Variants in CROT observed in about 807,000 individuals in gnomAD.
CROT encodes carnitine O-octanoyltransferase.
In CROT, 84 loss-of-function variants were observed where a neutral mutation model predicts 89.2. The ratio of observed to expected loss-of-function variants is 0.94; its 90% CI spans 0.79 to 1.13. The LOEUF (loss-of-function observed/expected upper bound fraction) is 1.13. CROT is among the 50% of genes most tolerant of loss of function. CROT has a pLI of 0.00. For synonymous variants in CROT, 212 were observed against 239.5 expected (o/e 0.89, Z 1.06); for missense variants, 711 against 727.8 (o/e 0.98, Z 0.27).
rs754430658 is a variant in CROT, at chr7:87,394,689, C to CA, written c.1718+1630dup. Reference sequence around the variant, plus strand: ...TTGGTGGGTGCTATATTTTTTATAGCAAAAAAAATGCCTTTCTTGCTATAA... The same window carrying CA: ...TTGGTGGGTGCTATATTTTTTATAGCAAAAAAAAATGCCTTTCTTGCTATAA... On this transcript the variant is annotated intron_variant, in intron 17 of 17. Transcript: ENST00000331536. 1.4e-3 allele frequency among the ~76,000 whole-genome samples: 216 copies of CA among 151,158 alleles called. 1 individual carries two copies. Among genetic ancestry groups the CA allele is most frequent in the Non-Finnish European group, 2.8e-3 (188 of 67,790 alleles).
intron 17 of CROT, among the ~76,000 whole-genome samples, chr7:87,395,835 A>G (rs1050760261): frequency 1.3e-5 from 2 of 152,164 alleles, no homozygotes; most frequent in Non-Finnish European, 2.9e-5. Context: ...ATCGGGGGTT[A>G]TAAGGACCTT....
chr7:87,363,024 A>G (rs1806332625), intron 6 of CROT, among the ~76,000 whole-genome samples: 1 of 152,236 alleles, frequency 6.6e-6, no homozygotes, highest in South Asian at 2.1e-4. Context: ...ATGAATGGAA[A>G]AAATGAACAA....
At chr7:87,383,033 C>T (rs926095571) in intron 13 of CROT, among the ~76,000 whole-genome samples, 10 of 152,220 alleles carry the variant, frequency 6.6e-5, no homozygotes, top group Non-Finnish European at 1.3e-4. Context: ...TTTTTTGATA[C>T]ATGCATAAAA....
intron 13 of CROT, among the ~76,000 whole-genome samples, chr7:87,384,570 A>G (rs1222296989): frequency 6.6e-6 from 1 of 152,214 alleles, no homozygotes; most frequent in Non-Finnish European, 1.5e-5. Flanking sequence ...TTTAGATCAG[A>G]TAAATTTGTG....
intron 3 of CROT, chr7:87,357,702 T>A (rs1806127857): frequency 1.6e-6 from 1 of 619,640 alleles, no homozygotes; most frequent in African/African-American, 1.8e-5. Context: ...TTTTAAGTTT[T>A]TCTTATATAG....
At chr7:87,348,109 A>T (rs6943391) in intron 2 of CROT, among the ~76,000 whole-genome samples, 1 of 152,166 alleles carries the variant, frequency 6.6e-6, no homozygotes, top group East Asian at 1.9e-4. Context: ...GTTTTAAAAA[A>T]TAGTTTTTGA....
chr7:87,392,298 T>C (rs1464867119), intron 14 of CROT, among the ~76,000 whole-genome samples: 1 of 152,192 alleles, frequency 6.6e-6, no homozygotes, highest in Non-Finnish European at 1.5e-5. Context: ...TATCGGTTGC[T>C]TTTATCTTTA....
chr7:87,353,236 T>C (rs1283342910), intron 3 of CROT, among the ~76,000 whole-genome samples: 1 of 151,962 alleles, frequency 6.6e-6, no homozygotes, highest in Non-Finnish European at 1.5e-5. Flanking sequence ...CAACCTCTGC[T>C]CCCTGGGTTT....
chr7:87,375,978 T>TC, intron 9 of CROT, 25 bp downstream of exon 9: 1 of 1,537,196 alleles, frequency 6.5e-7, no homozygotes, highest in Non-Finnish European at 8.7e-7. Flanking sequence ...TCTCTTTTTT[T>TC]TTTTATTGCA....
intron 3 of CROT, chr7:87,354,433 A>T (rs1284132589): frequency 1.9e-6 from 1 of 516,778 alleles, no homozygotes; most frequent in South Asian, 1.4e-5. Flanking sequence ...CAAGGTTATG[A>T]TTATAGCATA....
chr7:87,355,362 C>T (rs1161910694), intron 3 of CROT, among the ~76,000 whole-genome samples: 4 of 152,066 alleles, frequency 2.6e-5, no homozygotes, highest in South Asian at 2.1e-4. Flanking sequence ...GGCCTCCCAA[C>T]GTGCTGGTGT....
intron 13 of CROT, among the ~76,000 whole-genome samples, chr7:87,384,242 A>C (rs1807119131): frequency 6.6e-6 from 1 of 151,998 alleles, no homozygotes; most frequent in Non-Finnish European, 1.5e-5. Flanking sequence ...GTCTATTAAG[A>C]TCATTTGTCA....
intron 17 of CROT, among the ~76,000 whole-genome samples, chr7:87,396,076 G>A (rs1241948469): frequency 6.6e-6 from 1 of 152,170 alleles, no homozygotes; most frequent in African/African-American, 2.4e-5. Flanking sequence ...GCCAGTCTAG[G>A]AAATCATGAA....
Position 87,398,670 on chromosome 7 carries a change from C to A in CROT, c.*26C>A. On this transcript the variant is annotated 3_prime_UTR_variant, in exon 18 of 18. Transcript: ENST00000331536. ...AGATGAATCATCTATTAAGCACTTA[C>A]CAAAACATATCATTAAACTGAGTGC... is the stretch of plus-strand genomic sequence containing the variant. 2 of 1,605,370 alleles carry A rather than the reference C, an allele frequency of 1.2e-6. No homozygotes were observed. Among genetic ancestry groups the A allele is most frequent in the Non-Finnish European group, 1.7e-6 (2 of 1,176,062 alleles).
intron 3 of CROT, 92 bp from the exon 4 acceptor site, chr7:87,359,114 T>A (rs775581809): frequency 3.5e-6 from 3 of 862,438 alleles, no homozygotes; most frequent in Non-Finnish European, 5.8e-6. Context: ...GTTTTACATA[T>A]CTGAGTCTTA....
At chr7:87,393,995 A>G (rs1206991728) in intron 17 of CROT, among the ~76,000 whole-genome samples, 1 of 152,222 alleles carries the variant, frequency 6.6e-6, no homozygotes, top group Non-Finnish European at 1.5e-5. Context: ...AGTCTATTTC[A>G]TCATTTACTA....
At chr7:87,392,927 T>C in intron 16 of CROT, 21 bp from the exon 17 acceptor site, 1 of 1,612,964 alleles carries the variant, frequency 6.2e-7, no homozygotes, top group Non-Finnish European at 8.5e-7. Context: ...TAGTAAAATG[T>C]TCTTTTATTG....
Position 87,399,452 on chromosome 7 carries a change from G to A in CROT, c.*808G>A, listed in dbSNP as rs1200295806. 3 of 152,234 alleles carry A rather than the reference G, an allele frequency of 2.0e-5. No individual in the cohort carries two copies. The highest frequency in any genetic ancestry group is 4.2e-4 in the South Asian group (2 of 4,816). The allele number at this position is 152,234 out of a possible 1,614,324, so 9.4% of individuals were successfully genotyped here. A position where few individuals can be genotyped will look rare whatever the true frequency, so the allele number is the denominator to read the frequency against. ...GATGTGCCCTTATGCTATAGCCTGG[G>A]CAAGAGCGTGAGACCCTGTCTCAAA... On this transcript the variant is annotated 3_prime_UTR_variant, in exon 18 of 18. Coordinates refer to ENST00000331536, the MANE Select transcript of CROT (RefSeq NM_021151.4).
At position 87,392,693 on chromosome 7, in the gene CROT, A is replaced by T. The variant is rs1320973674; in HGVS notation, c.1505-37A>T. 4 of 1,610,828 alleles carry T rather than the reference A, an allele frequency of 2.5e-6. No individual in the cohort carries two copies. The East Asian group carries it at 8.9e-5, about 36-fold the overall frequency. ...ACTTAAAAATCTCTCATGGTGAAAA[A>T]TTTTTTTCTAACCTGAGATTTGGGG... On this transcript the variant is annotated intron_variant, in intron 15 of 17. Coordinates refer to ENST00000331536, the MANE Select transcript of CROT (RefSeq NM_021151.4).
Sources: allele counts gnomAD v4.1 joint callset (sites outside exome capture counted in the v4.1 genomes callset), GRCh38; gene constraint gnomAD v4.1.1; transcripts MANE v1.5; gene names NCBI Gene and HGNC (gene_info 2026-07-23, HGNC 2026-07-21).